Variants in RAD21L1 observed in about 807,000 individuals in gnomAD.
The protein encoded by RAD21L1 is RAD21 cohesin complex component like 1.
RAD21L1 carries 47 observed loss-of-function variants against 69.0 expected under a neutral mutation model. The ratio of observed to expected loss-of-function variants is 0.68; its 90% CI spans 0.54 to 0.87. RAD21L1 has a LOEUF of 0.87. Ranked by LOEUF, RAD21L1 falls within the 40% of genes least tolerant of loss-of-function variation. The pLI, the probability that RAD21L1 is intolerant of heterozygous loss-of-function variation, is 0.00. For missense variants in RAD21L1, 583 were observed against 647.6 expected (o/e 0.90, Z 1.08); for synonymous variants, 177 against 205.8 (o/e 0.86, Z 1.20).
intron 6 of RAD21L1, among the ~76,000 whole-genome samples, chr20:1,238,808 A>G (rs1393773128): frequency 6.6e-6 from 1 of 152,032 alleles, no homozygotes; most frequent in African/African-American, 2.4e-5. Context: ...GTCCAAATGC[A>G]CATGTTTTAT....
In RAD21L1 at chr20:1,229,991, A is replaced by C. The variant is rs995869145; in HGVS notation, c.256A>C (p.Lys86Gln). 7.7e-6 allele frequency: 12 copies of C among 1,550,028 alleles called. No individual in the cohort carries two copies. Among genetic ancestry groups the C allele is most frequent in the Non-Finnish European group, 9.6e-6 (11 of 1,145,720 alleles). The change falls in exon 3 of 14, where the codon AAG (lysine) becomes CAG (glutamine). Residue 86 changes from lysine to glutamine, a missense_variant. Physicochemically the swap from Lys to Gln is moderately conservative, Grantham distance 53. Transcript: ENST00000683101. ...TTGCAGTGAAGCATTTCTTAAAATGAAGATGACATTTTGCCCAGGTATACA... is the reference window on the plus strand; with the variant it reads ...TTGCAGTGAAGCATTTCTTAAAATGCAGATGACATTTTGCCCAGGTATACA... Reference protein sequence around the residue: ...ADCSEAFLKMKMTFCPGLVDL... With the variant: ...ADCSEAFLKMQMTFCPGLVDL...
intron 2 of RAD21L1, among the ~76,000 whole-genome samples, chr20:1,229,380 G>A (rs891531049): frequency 6.6e-6 from 1 of 152,096 alleles, no homozygotes; most frequent in South Asian, 2.1e-4. Context: ...ACAATGCCTG[G>A]CATAAAATAA....
chr20:1,243,329 G>T (rs2122848316), intron 10 of RAD21L1, 133 bp downstream of exon 10: 3 of 521,584 alleles, frequency 5.8e-6, no homozygotes, highest in South Asian at 3.4e-5. Flanking sequence ...GAAGAGTAGT[G>T]GAACTTAAAT....
chr20:1,234,078 TC>T lies in RAD21L1; in HGVS notation c.369-5del. The T allele has an allele frequency of 8.2e-6, 11 of 1,348,678 alleles. No individual in the cohort carries two copies. Among genetic ancestry groups the T allele is most frequent in the Non-Finnish European group, 1.1e-5 (11 of 971,290 alleles). The allele number at this position is 1,348,678 out of a possible 1,614,324, so 83.5% of individuals were successfully genotyped here. A position where few individuals can be genotyped will look rare whatever the true frequency, so the allele number is the denominator to read the frequency against. ...CATGTTTTTCTCAACCTTCTATTTC[TC>T]CATAGTGCTATTGATGTTTCAGAAC... On this transcript the variant is annotated splice_polypyrimidine_tract_variant and splice_region_variant and intron_variant, in intron 4 of 13. Transcript: ENST00000683101.
chr20:1,236,025 C>T (rs2087487639), intron 5 of RAD21L1, among the ~76,000 whole-genome samples: 1 of 152,214 alleles, frequency 6.6e-6, no homozygotes, highest in Admixed American at 6.5e-5. Context: ...ACCTCAGCCT[C>T]CCAAAGTGCT....
chr20:1,243,424 T>C (rs1366360747), intron 10 of RAD21L1, among the ~76,000 whole-genome samples: 1 of 152,156 alleles, frequency 6.6e-6, no homozygotes, highest in African/African-American at 2.4e-5. Context: ...GAAATATATA[T>C]ACTATGTAAA....
chr20:1,254,794 T>C lies in RAD21L1; in HGVS notation c.*337T>C, dbSNP rs1291470662. Among the ~76,000 whole-genome samples the C allele has an allele frequency of 6.6e-6, 1 of 152,140 alleles. No homozygotes were observed. Among genetic ancestry groups the C allele is most frequent in the Non-Finnish European group, 1.5e-5 (1 of 68,024 alleles). On this transcript the variant is annotated 3_prime_UTR_variant, in exon 14 of 14. Coordinates refer to ENST00000683101, the MANE Select transcript of RAD21L1 (RefSeq NM_001384355.1). The stretch of plus-strand genomic sequence containing the variant: ...GACTACAGGCACATGCCACCATACC[T>C]GGCTCAGAAATACTTAATTATAGCT...
At chr20:1,241,147 G>A (rs375835481) in intron 8 of RAD21L1, among the ~76,000 whole-genome samples, 1 of 152,136 alleles carries the variant, frequency 6.6e-6, no homozygotes, top group African/African-American at 2.4e-5. Flanking sequence ...TTTAAACTAA[G>A]TTCAATTTAG....
chr20:1,231,569 T>A lies in RAD21L1; in HGVS notation c.318T>A (p.Asn106Lys). The change falls in exon 4 of 14, where the codon AAT becomes AAA. Residue 106 changes from asparagine (N) to lysine (K), a missense_variant. Coordinates refer to ENST00000683101, the MANE Select transcript of RAD21L1 (RefSeq NM_001384355.1). ...LPKENFEASYNAITLPEEFHD... is the reference protein window; with the variant it reads ...LPKENFEASYKAITLPEEFHD... ...AAGAGAATTTTGAAGCATCTTACAA[T>A]GCTATCACATTGCCAGAAGAATTTC... The A allele has an allele frequency of 6.5e-7, 1 of 1,541,592 alleles. No homozygotes were observed. The highest frequency in any genetic ancestry group is 8.8e-7 in the Non-Finnish European group (1 of 1,140,238).
chr20:1,231,710 A>T, intron 4 of RAD21L1, 91 bp downstream of exon 4: 1 of 678,034 alleles, frequency 1.5e-6, no homozygotes, highest in Non-Finnish European at 2.6e-6. Context: ...AATGTAGTTA[A>T]CAACTGCACA....
chr20:1,250,018 A>G (rs1056832957), intron 13 of RAD21L1, among the ~76,000 whole-genome samples: 1 of 98,038 alleles, frequency 1.0e-5, no homozygotes, highest in Non-Finnish European at 2.1e-5. Flanking sequence ...CCCCGACCCC[A>G]TGACAGGCCC....
At chr20:1,251,475 C>G (rs1250472845) in intron 13 of RAD21L1, among the ~76,000 whole-genome samples, 1 of 150,430 alleles carries the variant, frequency 6.6e-6, no homozygotes, top group East Asian at 1.9e-4. Flanking sequence ...CTTGGACTTT[C>G]TCCTTATTAT....
At chr20:1,226,769 G>A (rs1212641736) in intron 1 of RAD21L1, among the ~76,000 whole-genome samples, 1 of 152,234 alleles carries the variant, frequency 6.6e-6, no homozygotes, top group Non-Finnish European at 1.5e-5. Context: ...TGCGGGGGGA[G>A]TTTGTGTGCG....
chr20:1,239,229 G>A (rs762777577), intron 6 of RAD21L1, 83 bp from the exon 7 acceptor site: 8 of 738,788 alleles, frequency 1.1e-5, no homozygotes, highest in African/African-American at 1.8e-5. Context: ...ACAATGAAAT[G>A]CATAAAGTAA....
chr20:1,253,441 C>T (rs1482448769), intron 13 of RAD21L1, among the ~76,000 whole-genome samples: 4 of 152,082 alleles, frequency 2.6e-5, no homozygotes, highest in Non-Finnish European at 2.9e-5. Flanking sequence ...GGATTAGAGG[C>T]GCGTGCCACC....
intron 3 of RAD21L1, chr20:1,230,444 AG>A (rs1197094653): frequency 3.3e-5 from 19 of 567,342 alleles, no homozygotes; most frequent in African/African-American, 4.1e-5. Flanking sequence ...AAAATTCCTA[AG>A]CATTCCAAAG....
rs1332161228 is a variant in RAD21L1, at chr20:1,230,110, A to C, written c.274+101A>C. ...ACTTCAGGCTAGTATGGTGAATGTA[A>C]ACTTAGTTTTGAATGAATCTAAGTT... On this transcript the variant is annotated intron_variant, in intron 3 of 13. Transcript: ENST00000683101. The C allele has an allele frequency of 1.3e-5, 11 of 837,794 alleles. No individual in the cohort carries two copies. In the South Asian group the frequency reaches 2.8e-4, roughly 21 times the overall value. The allele number at this position is 837,794 out of a possible 1,614,324, so 51.9% of individuals were successfully genotyped here.
At chr20:1,234,003 T>A (rs2087445939) in intron 4 of RAD21L1, 82 bp from the exon 5 acceptor site, 1 of 654,396 alleles carries the variant, frequency 1.5e-6, no homozygotes, top group Non-Finnish European at 2.7e-6. Flanking sequence ...GTTGTTTTAG[T>A]TTCTTCACTA....
intron 7 of RAD21L1, 106 bp from the exon 8 acceptor site, chr20:1,240,215 T>C (rs2087578135): frequency 2.1e-6 from 3 of 1,401,560 alleles, no homozygotes; most frequent in Non-Finnish European, 2.8e-6. Context: ...CAGTTAGTAA[T>C]ATAAATCTTC....
Sources: gnomAD v4.1 joint callset for allele counts (sites outside exome capture counted in the v4.1 genomes callset) on GRCh38, gnomAD v4.1.1 for gene constraint, MANE v1.5 for transcripts, NCBI Gene and HGNC (gene_info 2026-07-23, HGNC 2026-07-21) for gene names.